The following SEMA3D variants were observed in gnomAD, a reference collection of about 807,000 sequenced individuals.
SEMA3D encodes the protein semaphorin-3D.
SEMA3D carries 84 observed loss-of-function variants against 100.1 expected under a neutral mutation model. That is an observed-to-expected ratio of 0.84 (90% confidence interval 0.70 to 1.01). The LOEUF is 1.01. SEMA3D is among the 50% of genes least tolerant of loss of function. The pLI, the probability that SEMA3D is intolerant of heterozygous loss-of-function variation, is 0.00. For synonymous variants in SEMA3D, 312 were observed against 320.7 expected, an observed-to-expected ratio of 0.97 and a Z score of 0.29; for missense variants, 875 against 934.1, an observed-to-expected ratio of 0.94 and a Z score of 0.82.
intron 2 of SEMA3D, chr7:85,151,803 T>C (rs989988379): frequency 5.2e-6 from 4 of 774,426 alleles, no homozygotes; most frequent in Non-Finnish European, 6.3e-6. Context: ...TTTAAATTCC[T>C]ATTTTAAAAT....
chr7:85,029,528 A>G, intron 12 of SEMA3D: 1 of 598,824 alleles, frequency 1.7e-6, no homozygotes, highest in Non-Finnish European at 3.1e-6. Flanking sequence ...GAGAAGGAAG[A>G]ATTTGAACAT....
At chr7:85,058,384 T>C (rs1791381178) in intron 8 of SEMA3D, among the ~76,000 whole-genome samples, 1 of 152,130 alleles carries the variant, frequency 6.6e-6, no homozygotes, top group African/African-American at 2.4e-5. Context: ...TTTTGATCAC[T>C]GAGCAAAGTA....
chr7:85,084,897 CT>C (rs1381038887), intron 4 of SEMA3D, among the ~76,000 whole-genome samples: 3 of 152,156 alleles, frequency 2.0e-5, no homozygotes, highest in African/African-American at 7.2e-5. Context: ...AAGTATTTGG[CT>C]TTCTGTTCCT....
At chr7:85,160,290 C>T (rs1012555811) in intron 1 of SEMA3D, among the ~76,000 whole-genome samples, 1 of 151,066 alleles carries the variant, frequency 6.6e-6, no homozygotes, top group Non-Finnish European at 1.5e-5. Flanking sequence ...TACTATCAAC[C>T]CAGCATGAAA....
rs1789513863 is a variant in SEMA3D at position 84,996,823 on chromosome 7, A to G, written c.*2617T>C. On this transcript the variant is annotated 3_prime_UTR_variant, in exon 19 of 19. Transcript: ENST00000284136. ...ACCATTAACTATACTTTTCTTTTTC[A>G]TTATTTTAAGGCAAATTTGATAAAA... 1 of 151,988 alleles carries G rather than the reference A, an allele frequency of 6.6e-6. No homozygotes were observed. The highest frequency in any genetic ancestry group is 1.5e-5 in the Non-Finnish European group (1 of 67,892). The allele number at this position is 151,988 out of a possible 1,614,324, so 9.4% of individuals were successfully genotyped here. A position where few individuals can be genotyped will look rare whatever the true frequency, so the allele number is the denominator to read the frequency against.
At chr7:85,076,782 G>C (rs903912802) in intron 5 of SEMA3D, among the ~76,000 whole-genome samples, 1 of 152,086 alleles carries the variant, frequency 6.6e-6, no homozygotes, top group African/African-American at 2.4e-5. Flanking sequence ...AGGATGCAGA[G>C]ATCAGTTTAG....
chr7:85,138,839 G>A (rs1329277042), intron 2 of SEMA3D, among the ~76,000 whole-genome samples: 1 of 151,006 alleles, frequency 6.6e-6, no homozygotes, highest in Non-Finnish European at 1.5e-5. Flanking sequence ...AGGCCCCGAT[G>A]TGTGATATTC....
the SEMA3D span, among the ~76,000 whole-genome samples, chr7:85,216,001 T>C: frequency 3.3e-3 from 504 of 152,236 alleles, 4 homozygotes; most frequent in African/African-American, 0.012. Flanking sequence ...TGGAAAATAT[T>C]GGTTCTTTGA....
chr7:85,160,163 C>CA, intron 1 of SEMA3D: 1 of 433,688 alleles, frequency 2.3e-6, no homozygotes, highest in Non-Finnish European at 3.1e-6. Flanking sequence ...TGATAGAAAA[C>CA]AAAAAGGTAA....
intron 12 of SEMA3D, 98 bp downstream of exon 12, chr7:85,036,791 C>T (rs1790708952): frequency 2.2e-6 from 2 of 891,088 alleles, no homozygotes; most frequent in South Asian, 2.0e-5. Flanking sequence ...GTTATTACAG[C>T]ACATGTGGCT....
the SEMA3D span, among the ~76,000 whole-genome samples, chr7:85,200,349 G>T: frequency 2.6e-5 from 4 of 152,186 alleles, no homozygotes; most frequent in Non-Finnish European, 5.9e-5. Flanking sequence ...ATAAAGTCCA[G>T]GCTGAGGTGG....
At chr7:85,116,948 A>G (rs1030098215) in intron 3 of SEMA3D, among the ~76,000 whole-genome samples, 1 of 152,174 alleles carries the variant, frequency 6.6e-6, no homozygotes, top group African/African-American at 2.4e-5. Flanking sequence ...AGTGATATAC[A>G]CAATACCTCC....
At position 85,050,564 on chromosome 7, in the gene SEMA3D, C is replaced by T. The variant is rs531286524; in HGVS notation, c.861+5153G>A. 329 of 372,114 alleles carry T rather than the reference C, an allele frequency of 8.8e-4. 2 individuals carry two copies. The Middle Eastern group carries it at 0.015, about 17-fold the overall frequency. The allele number at this position is 372,114 out of a possible 1,614,324, so 23.1% of individuals were successfully genotyped here. A position where few individuals can be genotyped will look rare whatever the true frequency, so the allele number is the denominator to read the frequency against. ...TGAAGGCACTTATTCGCCTCAGGCT[C>T]TCATTGATCAATATTGCCCAGTAAA... On this transcript the variant is annotated intron_variant, in intron 9 of 18. Transcript: ENST00000284136.
intron 12 of SEMA3D, among the ~76,000 whole-genome samples, chr7:85,031,556 T>C (rs192472208): frequency 6.6e-6 from 1 of 152,122 alleles, no homozygotes; most frequent in East Asian, 1.9e-4. Context: ...TTGTTATCCC[T>C]TTGAAGGTAG....
At chr7:85,047,631 T>C (rs1791046228) in intron 9 of SEMA3D, among the ~76,000 whole-genome samples, 1 of 151,886 alleles carries the variant, frequency 6.6e-6, no homozygotes, top group Non-Finnish European at 1.5e-5. Flanking sequence ...CTGAAGATTT[T>C]GTAAAATCAG....
the SEMA3D span, among the ~76,000 whole-genome samples, chr7:85,200,444 C>T: frequency 1.3e-5 from 2 of 152,090 alleles, no homozygotes; most frequent in Non-Finnish European, 2.9e-5. Context: ...TAGTATTTTG[C>T]CCCTGCCCTA....
chr7:85,121,662 C>T, intron 3 of SEMA3D, 79 bp downstream of exon 3: 1 of 816,404 alleles, frequency 1.2e-6, no homozygotes, highest in Non-Finnish European at 1.9e-6. Flanking sequence ...ATATGCTTTT[C>T]TAAAAAGAAA....
At chr7:85,014,868 ATC>A (rs1562783177) in intron 16 of SEMA3D, among the ~76,000 whole-genome samples, 189 bp downstream of exon 16, 1 of 151,854 alleles carries the variant, frequency 6.6e-6, no homozygotes, top group East Asian at 1.9e-4. Flanking sequence ...ATTTCAGAGC[ATC>A]TGTTTTACCC....
the SEMA3D span, among the ~76,000 whole-genome samples, chr7:85,237,439 T>A: frequency 6.6e-6 from 1 of 152,346 alleles, no homozygotes; most frequent in East Asian, 1.9e-4. Context: ...GTGATCTGCA[T>A]ACTCATACCT....
Sources: gnomAD v4.1 joint callset for allele counts (sites outside exome capture counted in the v4.1 genomes callset) on GRCh38, gnomAD v4.1.1 for gene constraint, MANE v1.5 for transcripts, NCBI Gene and HGNC (gene_info 2026-07-23, HGNC 2026-07-21) for gene names.